ECT2L: variants seen among roughly 807,000 people sequenced by gnomAD.
ECT2L encodes the protein epithelial cell-transforming sequence 2 oncogene-like.
A neutral mutation model predicts 122.8 loss-of-function variants in ECT2L; 126 were observed. The ratio of observed to expected loss-of-function variants is 1.03; its 90% CI spans 0.89 to 1.19. The LOEUF is 1.19. Ranked by LOEUF, ECT2L falls within the 50% of genes most tolerant of loss-of-function variation. The pLI is 0.00. For missense variants in ECT2L, 1,012 were observed against 1,064.1 expected (o/e 0.95, Z 0.68); for synonymous variants, 385 against 381.8 (o/e 1.01, Z -0.10).
chr6:138,894,975 T>C (rs1327376376), intron 20 of ECT2L, among the ~76,000 whole-genome samples: 1 of 152,154 alleles, frequency 6.6e-6, no homozygotes, highest in Non-Finnish European at 1.5e-5. Context: ...ATATTTGAAA[T>C]TGACTGGGTG....
intron 1 of ECT2L, among the ~76,000 whole-genome samples, chr6:138,800,281 A>C (rs899518081): frequency 1.3e-5 from 2 of 152,256 alleles, no homozygotes; most frequent in Non-Finnish European, 2.9e-5. Context: ...ACTTTGTAGA[A>C]GAACAAGATC....
chr6:138,874,250 T>C (rs191717734), intron 13 of ECT2L, among the ~76,000 whole-genome samples: 2 of 152,200 alleles, frequency 1.3e-5, no homozygotes, highest in Admixed American at 6.5e-5. Flanking sequence ...GTCTTCCTTA[T>C]ATGTCCCGCA....
At chr6:138,840,588 A>AT (rs35353860) in intron 5 of ECT2L, among the ~76,000 whole-genome samples, 9 of 151,534 alleles carry the variant, frequency 5.9e-5, no homozygotes, top group African/African-American at 1.7e-4. Context: ...TTGGCAGCTA[A>AT]TTTTTTTTTA....
At chr6:138,818,575 C>T (rs1053987054) in intron 4 of ECT2L, among the ~76,000 whole-genome samples, 4 of 152,122 alleles carry the variant, frequency 2.6e-5, no homozygotes, top group Admixed American at 6.5e-5. Flanking sequence ...AAGAAAACAT[C>T]GAATGAAACT....
At chr6:138,886,123 C>CAA (rs34777035) in intron 18 of ECT2L, among the ~76,000 whole-genome samples, 2 of 145,588 alleles carry the variant, frequency 1.4e-5, no homozygotes, top group African/African-American at 2.6e-5. Context: ...AACTAAAAGG[C>CAA]AAAAAAAAAA....
intron 10 of ECT2L, among the ~76,000 whole-genome samples, chr6:138,855,270 G>T (rs530497710): frequency 1.3e-5 from 2 of 152,072 alleles, no homozygotes; most frequent in African/African-American, 4.8e-5. Context: ...TACTTTGGGA[G>T]GCCAAGGTGG....
rs569573176 is a variant in ECT2L at position 138,877,842 on chromosome 6, G to T, written c.1665+1284G>T. Among the ~76,000 whole-genome samples the T allele has an allele frequency of 9.9e-4, 150 of 152,246 alleles. 3 individuals carry two copies. In the South Asian group the frequency reaches 0.03, roughly 30 times the overall value. On this transcript the variant is annotated intron_variant, in intron 14 of 21. Transcript: ENST00000541398. ...TGAGGCAGGAGGATTGCTTGAGCCC[G>T]GGAGGTCGAGGCTGCAGTGAGCCAT...
At chr6:138,826,654 C>G (rs1351324914) in intron 4 of ECT2L, among the ~76,000 whole-genome samples, 2 of 152,040 alleles carry the variant, frequency 1.3e-5, no homozygotes, top group African/African-American at 4.8e-5. Context: ...GCAACAGACA[C>G]TCCATCTCAA....
intron 4 of ECT2L, among the ~76,000 whole-genome samples, chr6:138,834,588 ATC>A (rs988066528): frequency 1.3e-5 from 2 of 152,184 alleles, no homozygotes; most frequent in African/African-American, 4.8e-5. Flanking sequence ...GGCCGGAAAC[ATC>A]TCTGTTTTGC....
chr6:138,816,292 C>A (rs761530136), intron 4 of ECT2L, among the ~76,000 whole-genome samples: 1 of 152,098 alleles, frequency 6.6e-6, no homozygotes, highest in African/African-American at 2.4e-5. Context: ...TCAGGCCTGA[C>A]TTTTTGTCAC....
Position 138,846,424 on chromosome 6 carries a change from T to C in ECT2L, c.765-115T>C, listed in dbSNP as rs1309678187. 6.2e-6 allele frequency: 6 copies of C among 961,394 alleles called. No individual in the cohort carries two copies. The Admixed American group carries it at 9.7e-5, about 16-fold the overall frequency. 59.6% of individuals were successfully genotyped at this position (961,394 alleles called of 1,614,324 possible). On this transcript the variant is annotated intron_variant, in intron 7 of 21. Coordinates refer to ENST00000541398, the MANE Select transcript of ECT2L (RefSeq NM_001077706.3). The stretch of plus-strand genomic sequence containing the variant: ...CAAAACACAGGGTGAGGCTAAGGCA[T>C]GGAGGCCACGTGCCTTGTAGAGTAG...
chr6:138,901,995 G>T (rs957734241), intron 21 of ECT2L, among the ~76,000 whole-genome samples: 4 of 152,140 alleles, frequency 2.6e-5, no homozygotes, highest in Admixed American at 6.5e-5. Context: ...TCATCACTGG[G>T]TATGGTTAGT....
chr6:138,886,560 A>G (rs1231599239), intron 18 of ECT2L, among the ~76,000 whole-genome samples: 1 of 151,900 alleles, frequency 6.6e-6, no homozygotes, highest in Non-Finnish European at 1.5e-5. Context: ...GGCAGGCGCC[A>G]CCATGCTTGG....
intron 7 of ECT2L, among the ~76,000 whole-genome samples, chr6:138,845,576 T>C (rs566115438): frequency 6.6e-6 from 1 of 152,078 alleles, no homozygotes; most frequent in South Asian, 2.1e-4. Context: ...GTAATCTCAC[T>C]CACCTAAGTT....
intron 4 of ECT2L, among the ~76,000 whole-genome samples, chr6:138,817,877 G>A (rs931925409): frequency 4.6e-5 from 7 of 152,022 alleles, no homozygotes; most frequent in Admixed American, 2.0e-4. Context: ...TTATGGCCCC[G>A]TGTCGTCCAC....
At position 138,826,015 on chromosome 6, in the gene ECT2L, G is replaced by A. The variant is rs566992378; in HGVS notation, c.179+11412G>A. Among the ~76,000 whole-genome samples, 54 of 152,336 alleles carry A rather than the reference G, an allele frequency of 3.5e-4. 1 individual carries two copies. In the South Asian group the frequency reaches 0.01, roughly 29 times the overall value. On this transcript the variant is annotated intron_variant, in intron 4 of 21. Coordinates refer to ENST00000541398, the MANE Select transcript of ECT2L (RefSeq NM_001077706.3). ...AGTCAATCCAGAGTCACTGATGGAA[G>A]CATTCCCTCTTCGCCCAGTTCGCCT...
chr6:138,892,538 G>T (rs958810180), intron 20 of ECT2L, among the ~76,000 whole-genome samples: 1 of 152,118 alleles, frequency 6.6e-6, no homozygotes, highest in Non-Finnish European at 1.5e-5. Context: ...CTGTCACCCA[G>T]GCTGGAGTGC....
intron 7 of ECT2L, among the ~76,000 whole-genome samples, chr6:138,845,059 A>T (rs1777174640): frequency 6.6e-6 from 1 of 152,124 alleles, no homozygotes; most frequent in Non-Finnish European, 1.5e-5. Flanking sequence ...TGGTATCCAA[A>T]TATAACTTCC....
At chr6:138,832,491 C>A (rs1025340464) in intron 4 of ECT2L, among the ~76,000 whole-genome samples, 4 of 152,146 alleles carry the variant, frequency 2.6e-5, no homozygotes, top group African/African-American at 9.7e-5. Flanking sequence ...GTTTATGTTT[C>A]TATGGTAGCT....
Sources: gnomAD v4.1 joint callset for allele counts (sites outside exome capture counted in the v4.1 genomes callset) on GRCh38, gnomAD v4.1.1 for gene constraint, MANE v1.5 for transcripts, NCBI Gene and HGNC (gene_info 2026-07-23, HGNC 2026-07-21) for gene names.